The following RABGAP1L variants were observed in gnomAD, a reference collection of about 807,000 sequenced individuals.
RABGAP1L encodes the protein rab GTPase-activating protein 1-like.
A neutral mutation model predicts 137.7 loss-of-function variants in RABGAP1L; 63 were observed. The observed-to-expected ratio is 0.46, with a 90% CI of 0.37 to 0.56. RABGAP1L has a LOEUF of 0.56. Among genes scored for constraint, RABGAP1L ranks in the 20% least tolerant of loss-of-function variants. RABGAP1L has a pLI of 0.00. For missense variants in RABGAP1L, 1,095 were observed against 1,244.0 expected (o/e 0.88, Z 1.80); for synonymous variants, 431 against 433.7 (o/e 0.99, Z 0.08).
Position 174,448,819 on chromosome 1 carries a change from G to C in RABGAP1L, c.1710+54674G>C. On this transcript the variant is annotated intron_variant, in intron 13 of 25. Transcript: ENST00000681986. This position sits in a 1 kb window ranked among gnomAD's most constrained non-coding sequence, Gnocchi z 4.2. Reference sequence around the variant, plus strand: ...AAATTTGCCGTCAGCACACCAAAGAGATAAATGACCGAAGAGCCCGATTCC... The same window carrying C: ...AAATTTGCCGTCAGCACACCAAAGACATAAATGACCGAAGAGCCCGATTCC... The C allele has an allele frequency of 6.2e-7, 1 of 1,614,146 alleles. No individual in the cohort carries two copies. The highest frequency in any genetic ancestry group is 8.5e-7 in the Non-Finnish European group (1 of 1,179,996).
intron 1 of RABGAP1L, among the ~76,000 whole-genome samples, chr1:174,195,612 TCTTTCTTC>T (rs1380441878): frequency 0.067 from 3,883 of 57,860 alleles, 61 homozygotes; most frequent in Non-Finnish European, 0.096. Flanking sequence ...TTTCTTTCTT[TCTTTCTTC>T]CTTCCTTCCT....
chr1:174,475,981 T>C (rs770271914), intron 13 of RABGAP1L, among the ~76,000 whole-genome samples: 2 of 151,986 alleles, frequency 1.3e-5, no homozygotes, highest in Admixed American at 1.3e-4. Flanking sequence ...TGTAAATCTT[T>C]CTAAGTTGAA....
chr1:174,525,862 C>T (rs1397174664), intron 13 of RABGAP1L, among the ~76,000 whole-genome samples: 1 of 152,074 alleles, frequency 6.6e-6, no homozygotes, highest in South Asian at 2.1e-4. Flanking sequence ...AATTTTGTCA[C>T]ACTTTTTTCT....
At chr1:174,302,008 A>AGGATTTGTCTGCCTC (rs1677752858) in intron 10 of RABGAP1L, among the ~76,000 whole-genome samples, 1 of 152,190 alleles carries the variant, frequency 6.6e-6, no homozygotes, top group Non-Finnish European at 1.5e-5. Context: ...CTGTCTGCCT[A>AGGATTTGTCTGCCTC]GGATTTGTCT....
chr1:174,535,619 A>G (rs1410730094), intron 13 of RABGAP1L, among the ~76,000 whole-genome samples: 1 of 152,158 alleles, frequency 6.6e-6, no homozygotes, highest in Non-Finnish European at 1.5e-5. Context: ...ACAGCCCTTC[A>G]TTTCCCAATT....
intron 1 of RABGAP1L, among the ~76,000 whole-genome samples, chr1:174,195,721 CT>C (rs200431417): frequency 0.23 from 26,908 of 118,000 alleles, 3,411 homozygotes; most frequent in Middle Eastern, 0.27. Flanking sequence ...TCTTTTCTTT[CT>C]TTTCTTTCTT....
chr1:174,616,371 C>T (rs1671867566), intron 13 of RABGAP1L, among the ~76,000 whole-genome samples: 1 of 152,228 alleles, frequency 6.6e-6, no homozygotes, highest in Non-Finnish European at 1.5e-5. Context: ...TCAAAGCAAA[C>T]ATTTTAAAAC....
intron 18 of RABGAP1L, among the ~76,000 whole-genome samples, chr1:174,795,989 A>G (rs1688213099): frequency 6.6e-6 from 1 of 152,176 alleles, no homozygotes; most frequent in Non-Finnish European, 1.5e-5. Flanking sequence ...GCTAACCTGT[A>G]TTGTCTCAGA....
chr1:174,893,081 T>G (rs566791818), intron 19 of RABGAP1L: 10 of 360,396 alleles, frequency 2.8e-5, no homozygotes, highest in Non-Finnish European at 5.7e-5. Flanking sequence ...ATTATCATTT[T>G]GTATTGGAAA....
chr1:174,252,159 T>G (rs1369416965), intron 6 of RABGAP1L, among the ~76,000 whole-genome samples: 1 of 152,220 alleles, frequency 6.6e-6, no homozygotes, highest in Admixed American at 6.5e-5. Context: ...CCTCCCAAAG[T>G]GCTGGGATTA....
chr1:174,907,183 T>G (rs1659237035), intron 19 of RABGAP1L, among the ~76,000 whole-genome samples: 1 of 152,158 alleles, frequency 6.6e-6, no homozygotes, highest in Admixed American at 6.5e-5. Flanking sequence ...AGCAGCCTGT[T>G]AAGAGATAGA....
intron 18 of RABGAP1L, among the ~76,000 whole-genome samples, chr1:174,777,552 T>C (rs1686622418): frequency 6.6e-6 from 1 of 152,208 alleles, no homozygotes; most frequent in Admixed American, 6.5e-5. Context: ...ATCTGCATGA[T>C]CAAAGCAGAT....
chr1:174,241,421 G>A, intron 4 of RABGAP1L, 62 bp from the exon 5 acceptor site: 1 of 1,172,194 alleles, frequency 8.5e-7, no homozygotes, highest in Non-Finnish European at 1.2e-6. Context: ...AACCTAACTG[G>A]AAATATGTCT....
chr1:174,832,241 C>T (rs1433332356), intron 19 of RABGAP1L, among the ~76,000 whole-genome samples: 2 of 144,518 alleles, frequency 1.4e-5, no homozygotes, highest in African/African-American at 2.5e-5. Flanking sequence ...TGCAGTGAGC[C>T]GAGATCGTGC....
At chr1:174,483,766 C>G (rs910295289) in intron 13 of RABGAP1L, among the ~76,000 whole-genome samples, 96 of 151,404 alleles carry the variant, frequency 6.3e-4, no homozygotes, top group Non-Finnish European at 8.8e-4. Flanking sequence ...GGTGGAGGTT[C>G]TACTGAGCCA....
intron 19 of RABGAP1L, among the ~76,000 whole-genome samples, chr1:174,838,850 G>C (rs373428094): frequency 7.0e-6 from 1 of 143,500 alleles, no homozygotes; most frequent in East Asian, 2.2e-4. Context: ...CCCGGGAGGC[G>C]GAGCTTGTAG....
At chr1:174,313,025 T>A (rs927722354) in intron 11 of RABGAP1L, among the ~76,000 whole-genome samples, 1 of 152,148 alleles carries the variant, frequency 6.6e-6, no homozygotes, top group Non-Finnish European at 1.5e-5. Flanking sequence ...TGAAGTCAGT[T>A]GTGATTCTTG....
intron 22 of RABGAP1L, among the ~76,000 whole-genome samples, chr1:174,977,971 T>C (rs1260262886): frequency 6.6e-6 from 1 of 152,240 alleles, no homozygotes; most frequent in Non-Finnish European, 1.5e-5. Flanking sequence ...ATTAATAATT[T>C]GGGATGCTTT....
chr1:174,597,304 C>G (rs75117987), intron 13 of RABGAP1L, among the ~76,000 whole-genome samples: 3 of 152,100 alleles, frequency 2.0e-5, no homozygotes, highest in African/African-American at 7.2e-5. Flanking sequence ...ATTAGTTCTT[C>G]AAATGTTTTG....
Sources: gnomAD v4.1 joint callset for allele counts (sites outside exome capture counted in the v4.1 genomes callset) on GRCh38, gnomAD v4.1.1 for gene constraint, Gnocchi (gnomAD v3.1) non-coding constraint, MANE v1.5 for transcripts, NCBI Gene and HGNC (gene_info 2026-07-23, HGNC 2026-07-21) for gene names.